The following KATNAL2 variants were observed in gnomAD, a reference collection of about 807,000 sequenced individuals.
KATNAL2 encodes katanin catalytic subunit A1 like 2.
In KATNAL2, 52 loss-of-function variants were observed where a neutral mutation model predicts 76.3. The observed-to-expected ratio is 0.68, with a 90% CI of 0.55 to 0.86. The LOEUF (loss-of-function observed/expected upper bound fraction) is 0.86, where lower values mean the gene tolerates loss of function less well. Among genes scored for constraint, KATNAL2 ranks in the 40% least tolerant of loss-of-function variants. The pLI is 0.00. For synonymous variants in KATNAL2, 243 were observed against 244.2 expected (o/e 1.00, Z 0.05); for missense variants, 660 against 668.9 (o/e 0.99, Z 0.15).
intron 15 of KATNAL2, among the ~76,000 whole-genome samples, chr18:47,081,190 A>C (rs1290867979): frequency 1.3e-5 from 2 of 151,524 alleles, no homozygotes; most frequent in African/African-American, 4.9e-5. Flanking sequence ...TACCTTGCTA[A>C]ACTTCCCATG....
chr18:47,039,805 C>A (rs1326999529), intron 3 of KATNAL2, among the ~76,000 whole-genome samples: 2 of 152,188 alleles, frequency 1.3e-5, no homozygotes, highest in African/African-American at 4.8e-5. Flanking sequence ...AGCTATTGGG[C>A]ACCCACCAAT....
intron 14 of KATNAL2, among the ~76,000 whole-genome samples, chr18:47,076,906 G>C (rs2062261790): frequency 6.6e-6 from 1 of 151,582 alleles, no homozygotes; most frequent in Non-Finnish European, 1.5e-5. Flanking sequence ...CATATACCTA[G>C]CCAGGCAGGG....
chr18:47,078,286 T>A, intron 15 of KATNAL2, among the ~76,000 whole-genome samples: 1 of 152,156 alleles, frequency 6.6e-6, no homozygotes, highest in East Asian at 1.9e-4. Flanking sequence ...GAAACTCTTC[T>A]GTAGTGCATG....
At chr18:47,088,673 G>A (rs1419209150) in intron 15 of KATNAL2, among the ~76,000 whole-genome samples, 3 of 152,126 alleles carry the variant, frequency 2.0e-5, no homozygotes, top group South Asian at 2.1e-4. Context: ...CCGCCTCCCA[G>A]GTTCAAGCGA....
At chr18:46,955,182 C>T (rs1404078326) in intron 3 of KATNAL2, among the ~76,000 whole-genome samples, 1 of 132,518 alleles carries the variant, frequency 7.5e-6, no homozygotes, top group African/African-American at 2.8e-5. Context: ...TTCTTTCTTT[C>T]TTTCCTCTCT....
At chr18:46,927,983 C>G (rs572942443) in intron 1 of KATNAL2, among the ~76,000 whole-genome samples, 1 of 152,106 alleles carries the variant, frequency 6.6e-6, no homozygotes, top group African/African-American at 2.4e-5. Flanking sequence ...GTTATCCATT[C>G]GTCTAATTTT....
At chr18:47,071,043 A>T (rs190042500) in intron 13 of KATNAL2, among the ~76,000 whole-genome samples, 5 of 152,110 alleles carry the variant, frequency 3.3e-5, no homozygotes, top group East Asian at 3.9e-4. Context: ...TATATGGGGA[A>T]TTTTTTTCAA....
chr18:46,932,560 G>A (rs553639151), intron 1 of KATNAL2, among the ~76,000 whole-genome samples: 21 of 148,770 alleles, frequency 1.4e-4, no homozygotes, highest in African/African-American at 4.2e-4. Flanking sequence ...TGTATGCACC[G>A]CCACTCAGGA....
chr18:47,100,256 G>A lies in KATNAL2; in HGVS notation c.1377G>A (p.Glu459=). The A allele has an allele frequency of 6.2e-7, 1 of 1,613,704 alleles. No individual in the cohort carries two copies. Among genetic ancestry groups the A allele is most frequent in the Non-Finnish European group, 8.5e-7 (1 of 1,179,602 alleles). ...GGCTGGTTTTTTGGCTGTTTCAGGA[G>A]ACTGAGGGCTACTCAGGCTCAGATA... The part of the protein sequence containing the change: ...TELEYSVLSQ[E]TEGYSGSDIK... The change falls in exon 17 of 18, where the codon GAG becomes GAA. Residue 459 remains glutamate (E), a splice_region_variant and synonymous_variant. Coordinates refer to ENST00000683218, the MANE Select transcript of KATNAL2 (RefSeq NM_001387690.1).
intron 1 of KATNAL2, among the ~76,000 whole-genome samples, chr18:46,929,108 C>G (rs1433143648): frequency 6.7e-6 from 1 of 150,078 alleles, no homozygotes; most frequent in African/African-American, 2.5e-5. Context: ...GCTCTGATTT[C>G]TAATACTAAA....
chr18:47,049,785 G>C (rs1462643924), intron 4 of KATNAL2, among the ~76,000 whole-genome samples: 1 of 152,164 alleles, frequency 6.6e-6, no homozygotes, highest in Non-Finnish European at 1.5e-5. Flanking sequence ...CCCAATCATG[G>C]CTCACTGCAG....
At chr18:46,936,324 A>C (rs2059089965) in intron 1 of KATNAL2, among the ~76,000 whole-genome samples, 1 of 152,232 alleles carries the variant, frequency 6.6e-6, no homozygotes, top group South Asian at 2.1e-4. Flanking sequence ...AGTGCCCATA[A>C]ATTTTAAAGA....
chr18:47,034,020 G>A (rs767658717), intron 3 of KATNAL2: 24 of 1,614,040 alleles, frequency 1.5e-5, no homozygotes, highest in Non-Finnish European at 2.0e-5. Flanking sequence ...CCTTGGATTC[G>A]TTTGCTTTCC....
At chr18:46,934,511 T>A (rs1174707680) in intron 1 of KATNAL2, among the ~76,000 whole-genome samples, 1 of 152,244 alleles carries the variant, frequency 6.6e-6, no homozygotes, top group African/African-American at 2.4e-5. Flanking sequence ...TTTTTTCTTG[T>A]AAATTTGTTT....
intron 1 of KATNAL2, among the ~76,000 whole-genome samples, chr18:46,942,926 T>C (rs577195777): frequency 6.6e-6 from 1 of 152,282 alleles, no homozygotes; most frequent in Non-Finnish European, 1.5e-5. Context: ...CTTTAAAGAA[T>C]GCCGGGTTTT....
intron 3 of KATNAL2, among the ~76,000 whole-genome samples, chr18:46,952,990 G>A (rs755233600): frequency 1.4e-5 from 2 of 146,924 alleles, no homozygotes; most frequent in Non-Finnish European, 3.0e-5. Context: ...TGCCTCTCAG[G>A]TTCAACCGAT....
rs190522118 is a variant in KATNAL2, at chr18:47,078,400, C to T, written c.1211+939C>T. On this transcript the variant is annotated intron_variant, in intron 15 of 17. Transcript: ENST00000683218. ...TATACTCATAATTTAAACCTGGCTC[C>T]ACCTCCCCTTGAATCTAGAATACTT... Among the ~76,000 whole-genome samples the T allele has an allele frequency of 4.6e-4, 70 of 152,232 alleles. 2 individuals carry two copies. The East Asian group carries it at 0.013, about 29-fold the overall frequency.
chr18:47,093,698 A>G (rs1028048314), intron 15 of KATNAL2, among the ~76,000 whole-genome samples: 4 of 151,884 alleles, frequency 2.6e-5, no homozygotes, highest in African/African-American at 9.7e-5. Context: ...TTTTGTAGAG[A>G]TGGGGTCTCA....
chr18:47,051,037 G>A (rs764790277), intron 4 of KATNAL2, among the ~76,000 whole-genome samples: 13 of 152,120 alleles, frequency 8.5e-5, no homozygotes, highest in South Asian at 2.1e-4. Context: ...CCATCTTCTC[G>A]GGCTTGGGTA....
Sources: gnomAD v4.1 joint callset for allele counts (sites outside exome capture counted in the v4.1 genomes callset) on GRCh38, gnomAD v4.1.1 for gene constraint, MANE v1.5 for transcripts, NCBI Gene and HGNC (gene_info 2026-07-23, HGNC 2026-07-21) for gene names.